Variants in ZNF85 observed in about 807,000 individuals in gnomAD.
The protein encoded by ZNF85 is zinc finger protein 85 (HPF4, HTF1).
ZNF85 carries 50 observed loss-of-function variants against 53.9 expected under a neutral mutation model. The ratio of observed to expected loss-of-function variants is 0.93; its 90% CI spans 0.74 to 1.17. The LOEUF is 1.17. Among genes scored for constraint, ZNF85 ranks in the 50% most tolerant of loss-of-function variants. The pLI is 0.00. For missense variants in ZNF85, 747 were observed against 688.5 expected (o/e 1.08, Z -0.95); for synonymous variants, 225 against 226.1 (o/e 1.00, Z 0.04).
chr19:20,932,958 G>A (rs769767883), intron 1 of ZNF85, among the ~76,000 whole-genome samples: 8 of 151,722 alleles, frequency 5.3e-5, no homozygotes, highest in Non-Finnish European at 1.0e-4. Flanking sequence ...GGAGGCTAAG[G>A]CAGGCAGATC....
chr19:20,939,280 C>A (rs1247212196), intron 3 of ZNF85, among the ~76,000 whole-genome samples: 3 of 152,020 alleles, frequency 2.0e-5, no homozygotes, highest in African/African-American at 7.2e-5. Flanking sequence ...TTTTTTGAGA[C>A]AGTCTTGCTC....
At chr19:20,944,897 TTA>T (rs1249911567) in intron 3 of ZNF85, among the ~76,000 whole-genome samples, 2 of 152,248 alleles carry the variant, frequency 1.3e-5, no homozygotes, top group Admixed American at 6.5e-5. Context: ...GCTAATGTGT[TTA>T]TGTTTGCTTG....
At chr19:20,932,751 A>C (rs1280892095) in intron 1 of ZNF85, among the ~76,000 whole-genome samples, 1 of 152,190 alleles carries the variant, frequency 6.6e-6, no homozygotes, top group East Asian at 1.9e-4. Context: ...TAAAATTACT[A>C]TTACAAATTA....
At chr19:20,939,181 A>C (rs1973234960) in intron 3 of ZNF85, among the ~76,000 whole-genome samples, 1 of 152,208 alleles carries the variant, frequency 6.6e-6, no homozygotes, top group South Asian at 2.1e-4. Flanking sequence ...GTACATCAAT[A>C]TTGCAAACCA....
At position 20,949,807 on chromosome 19, in the gene ZNF85, T is replaced by G. The variant is rs148937926; in HGVS notation, c.1293T>G (p.Cys431Trp). Residue 431 changes from cysteine (C) to tryptophan (W), a missense_variant, in exon 4 of 4, where the codon TGT (cysteine) becomes TGG (tryptophan). Cys to Trp is a radical substitution (Grantham distance 215). Coordinates refer to ENST00000328178, the MANE Select transcript of ZNF85 (RefSeq NM_003429.5). ...AGAAGCCTTACAAATGTAAAGAATG[T>G]GAAAAAGCTTTTAACCAATCCTCAA... ...TGEKPYKCKECEKAFNQSSKL... is the reference protein window; with the variant it reads ...TGEKPYKCKEWEKAFNQSSKL... 348 of 1,612,184 alleles carry G rather than the reference T, an allele frequency of 2.2e-4. 1 individual carries two copies. In the African/African-American group the frequency reaches 4.0e-3, roughly 19 times the overall value.
chr19:20,934,883 C>A, intron 2 of ZNF85, 66 bp from the exon 3 acceptor site: 2 of 971,902 alleles, frequency 2.1e-6, no homozygotes, highest in South Asian at 1.8e-5. Context: ...ACTAGCTAAG[C>A]ACATTACTAG....
At chr19:20,924,222 A>G (rs910706891) in intron 1 of ZNF85, among the ~76,000 whole-genome samples, 1 of 152,180 alleles carries the variant, frequency 6.6e-6, no homozygotes, top group African/African-American at 2.4e-5. Flanking sequence ...AAAGACTTTT[A>G]TAAGGTGCAT....
intron 1 of ZNF85, among the ~76,000 whole-genome samples, chr19:20,925,075 C>G (rs1361025434): frequency 6.6e-6 from 1 of 152,132 alleles, no homozygotes; most frequent in Admixed American, 6.5e-5. Flanking sequence ...GAAGTGTATC[C>G]TATCAAGGGA....
At chr19:20,937,303 T>A in intron 3 of ZNF85, 1 of 455,910 alleles carries the variant, frequency 2.2e-6, no homozygotes, top group South Asian at 1.6e-5. Flanking sequence ...GTGCTTGGAT[T>A]ATAGACATGA....
At chr19:20,945,016 T>C (rs193179766) in intron 3 of ZNF85, among the ~76,000 whole-genome samples, 19 of 152,290 alleles carry the variant, frequency 1.2e-4, no homozygotes, top group African/African-American at 4.6e-4. Flanking sequence ...TAAAAATTCT[T>C]CTACTTTTAT....
At chr19:20,944,605 T>G (rs553015138) in intron 3 of ZNF85, among the ~76,000 whole-genome samples, 1 of 150,762 alleles carries the variant, frequency 6.6e-6, no homozygotes, top group Non-Finnish European at 1.5e-5. Flanking sequence ...TTTTAAATCT[T>G]CAAGTAACCT....
chr19:20,944,008 T>C (rs950488233), intron 3 of ZNF85: 15 of 319,498 alleles, frequency 4.7e-5, no homozygotes, highest in Non-Finnish European at 6.8e-5. Context: ...TATTTTCCAG[T>C]TTGTTATTGG....
intron 3 of ZNF85, among the ~76,000 whole-genome samples, chr19:20,938,751 G>A (rs1239526240): frequency 6.6e-6 from 1 of 151,952 alleles, no homozygotes; most frequent in Non-Finnish European, 1.5e-5. Flanking sequence ...GGAATTATAG[G>A]ATATTCACCC....
intron 3 of ZNF85, chr19:20,946,451 T>C (rs1289142922): frequency 1.8e-5 from 6 of 335,518 alleles, no homozygotes; most frequent in South Asian, 1.2e-4. Flanking sequence ...TTTTTTATTA[T>C]TATAGAAAGT....
At chr19:20,929,764 T>TTC (rs1972965033) in intron 1 of ZNF85, among the ~76,000 whole-genome samples, 18 of 145,956 alleles carry the variant, frequency 1.2e-4, no homozygotes, top group East Asian at 4.1e-4. Context: ...TTAACCTATT[T>TTC]GGAGGCCTTA....
chr19:20,923,940 C>A (rs936919452), intron 1 of ZNF85, among the ~76,000 whole-genome samples: 15 of 151,994 alleles, frequency 9.9e-5, no homozygotes, highest in Middle Eastern at 3.2e-3. Context: ...CAAAAATTAG[C>A]CGGGCGTCGT....
chr19:20,928,958 G>A (rs1972943576), intron 1 of ZNF85, among the ~76,000 whole-genome samples: 3 of 152,140 alleles, frequency 2.0e-5, no homozygotes, highest in African/African-American at 7.2e-5. Context: ...GGGGTTTGGT[G>A]TAGATTATTT....
chr19:20,924,547 CTACTTCT>C (rs1972836438), intron 1 of ZNF85, among the ~76,000 whole-genome samples: 1 of 152,178 alleles, frequency 6.6e-6, no homozygotes, highest in South Asian at 2.1e-4. Flanking sequence ...GGTCTCAAGT[CTACTTCT>C]TACTCCCTGT....
intron 3 of ZNF85, among the ~76,000 whole-genome samples, chr19:20,941,278 C>T (rs113855254): frequency 6.6e-6 from 1 of 151,756 alleles, no homozygotes; most frequent in Non-Finnish European, 1.5e-5. Flanking sequence ...TCCCTCCCCC[C>T]ACTCTTCCTG....
Sources: gnomAD v4.1 joint callset for allele counts (sites outside exome capture counted in the v4.1 genomes callset) on GRCh38, gnomAD v4.1.1 for gene constraint, MANE v1.5 for transcripts, NCBI Gene and HGNC (gene_info 2026-07-23, HGNC 2026-07-21) for gene names.